PACSIN1: variants seen among roughly 807,000 people sequenced by gnomAD.
PACSIN1 encodes the protein protein kinase C and casein kinase substrate in neurons 1.
PACSIN1 carries 15 observed loss-of-function variants against 59.5 expected under a neutral mutation model. The ratio of observed to expected loss-of-function variants is 0.25; its 90% confidence interval spans 0.17 to 0.39. The LOEUF (loss-of-function observed/expected upper bound fraction) is 0.39. Among genes scored for constraint, PACSIN1 ranks in the 10% least tolerant of loss-of-function variants. The pLI is 1.00. For synonymous variants in PACSIN1, 210 were observed against 220.6 expected, an observed-to-expected ratio of 0.95 and a Z score of 0.42; for missense variants, 420 against 580.2, an observed-to-expected ratio of 0.72 and a Z score of 2.84.
At chr6:34,483,463 C>T (rs376014136) in intron 1 of PACSIN1, among the ~76,000 whole-genome samples, 1 of 152,042 alleles carries the variant, frequency 6.6e-6, no homozygotes, top group African/African-American at 2.4e-5. Flanking sequence ...CGCAGGGCCA[C>T]GTAGCCGGTG....
intron 1 of PACSIN1, among the ~76,000 whole-genome samples, chr6:34,498,361 T>G (rs1766977694): frequency 2.0e-5 from 3 of 152,116 alleles, no homozygotes; most frequent in African/African-American, 7.2e-5. Flanking sequence ...CGCCCGGCCC[T>G]TTTGCCTGTT....
At chr6:34,471,217 G>A (rs1766567340) in intron 1 of PACSIN1, among the ~76,000 whole-genome samples, 1 of 152,120 alleles carries the variant, frequency 6.6e-6, no homozygotes, top group Non-Finnish European at 1.5e-5. Flanking sequence ...CAAAGTGCTG[G>A]GATTACAGGC....
Position 34,531,784 on chromosome 6 carries a change from G to A in PACSIN1, c.1222G>A (p.Ala408Thr), listed in dbSNP as rs747581004. The A allele has an allele frequency of 3.8e-6, 6 of 1,563,104 alleles. 1 individual carries two copies. The highest frequency in any genetic ancestry group is 3.5e-6 in the Non-Finnish European group (4 of 1,152,262). ...GQEQDELSFK[A>T]GDELTKLGEE... ...GGAGCAGGACGAGCTCAGCTTTAAG[G>A]CCGGTAGGACGGCTGGGCGGGGCAG... The change falls in exon 9 of 10, where the codon GCC (alanine) becomes ACC (threonine). Residue 408 changes from alanine to threonine, a missense_variant. Transcript: ENST00000244458. The surrounding 1 kb of genome is among the most constrained non-coding windows in gnomAD (Gnocchi z 4.4).
At chr6:34,498,986 G>A (rs1470848523) in intron 1 of PACSIN1, among the ~76,000 whole-genome samples, 1 of 151,804 alleles carries the variant, frequency 6.6e-6, no homozygotes, top group Non-Finnish European at 1.5e-5. Flanking sequence ...CAGGGTTAGG[G>A]GAGGGTTGGG....
In PACSIN1 at chr6:34,525,138, A is replaced by G. The variant is rs1767460693; in HGVS notation, c.-63-1105A>G. Among the ~76,000 whole-genome samples, 2 of 152,242 alleles carry G rather than the reference A, an allele frequency of 1.3e-5. No individual in the cohort carries two copies. Among genetic ancestry groups the G allele is most frequent in the East Asian group, 3.8e-4 (2 of 5,202 alleles). Reference sequence around the variant, plus strand: ...TTCAGACTCATTTCTTTGTCCCTTGATGAAATCCAGCCGTCCTCCCTCTCA... The same window carrying G: ...TTCAGACTCATTTCTTTGTCCCTTGGTGAAATCCAGCCGTCCTCCCTCTCA... On this transcript the variant is annotated intron_variant, in intron 1 of 9. Coordinates refer to ENST00000244458, the MANE Select transcript of PACSIN1 (RefSeq NM_020804.5). This position sits in a 1 kb window ranked among gnomAD's most constrained non-coding sequence, Gnocchi z 4.9.
chr6:34,486,242 G>A (rs904464908), intron 1 of PACSIN1, among the ~76,000 whole-genome samples: 1 of 152,052 alleles, frequency 6.6e-6, no homozygotes, highest in Non-Finnish European at 1.5e-5. Context: ...GGGCCACAGT[G>A]TCTCTAGGTG....
At position 34,521,166 on chromosome 6, in the gene PACSIN1, A is replaced by G. The variant is rs1450557737; in HGVS notation, c.-63-5077A>G. ...CATTCCTGTGGGAAGGAGGACACGC[A>G]ACGTGATGAATGCCGTGCTGTGGAT... On this transcript the variant is annotated intron_variant, in intron 1 of 9. Coordinates refer to ENST00000244458, the MANE Select transcript of PACSIN1 (RefSeq NM_020804.5). The surrounding 1 kb of genome is among the most constrained non-coding windows in gnomAD (Gnocchi z 4.3). Among the ~76,000 whole-genome samples the G allele has an allele frequency of 1.3e-5, 2 of 152,174 alleles. No homozygotes were observed. The highest frequency in any genetic ancestry group is 6.5e-5 in the Admixed American group (1 of 15,286).
chr6:34,529,813 C>G lies in PACSIN1; in HGVS notation c.760C>G (p.Arg254Gly). The G allele has an allele frequency of 1.9e-6, 3 of 1,613,840 alleles. No individual in the cohort carries two copies. Among genetic ancestry groups the G allele is most frequent in the Non-Finnish European group, 2.5e-6 (3 of 1,179,906 alleles). The stretch of plus-strand genomic sequence containing the variant: ...CAAGGAGGTGCTGCTGGACATCAAA[C>G]GGCACCTCAACCTGGCTGAGAACAG... ...FLKEVLLDIK[R>G]HLNLAENSSY... The change falls in exon 6 of 10, where the codon CGG (arginine) becomes GGG (glycine). Residue 254 changes from arginine (R) to glycine (G), a missense_variant. Transcript: ENST00000244458. The surrounding 1 kb of genome is among the most constrained non-coding windows in gnomAD (Gnocchi z 6.3).
chr6:34,476,958 G>A (rs918684925), intron 1 of PACSIN1, among the ~76,000 whole-genome samples: 8 of 152,212 alleles, frequency 5.3e-5, no homozygotes, highest in Admixed American at 1.3e-4. Flanking sequence ...TAGCTCGGGG[G>A]TGGGCACTCC....
Position 34,498,563 on chromosome 6 carries a change from C to T in PACSIN1, c.-63-27680C>T, listed in dbSNP as rs188277798. 2.7e-3 allele frequency among the ~76,000 whole-genome samples: 404 copies of T among 151,904 alleles called. 1 individual carries two copies. Among genetic ancestry groups the T allele is most frequent in the African/African-American group, 9.2e-3 (381 of 41,410 alleles). The stretch of plus-strand genomic sequence containing the variant: ...CTGTAATCCCAGCACTTTGGGAGGC[C>T]GAGGCAGGTGGATTGCTTGAGCCCA... On this transcript the variant is annotated intron_variant, in intron 1 of 9. Transcript: ENST00000244458.
intron 1 of PACSIN1, among the ~76,000 whole-genome samples, chr6:34,501,030 T>C (rs541313045): frequency 1.3e-5 from 2 of 152,394 alleles, no homozygotes; most frequent in African/African-American, 4.8e-5. Context: ...GGGAATGTTG[T>C]AGCTGTTTTC....
chr6:34,512,686 G>A lies in PACSIN1; in HGVS notation c.-63-13557G>A, dbSNP rs140608462. 1.8e-4 allele frequency among the ~76,000 whole-genome samples: 28 copies of A among 152,342 alleles called. No individual in the cohort carries two copies. The East Asian group carries it at 4.4e-3, about 24-fold the overall frequency. ...TTCTGAGGTTGATTGTGGGGTCCTCGTGCCCACCACTTGACTGGGACTTTG... is the reference window on the plus strand; with the variant it reads ...TTCTGAGGTTGATTGTGGGGTCCTCATGCCCACCACTTGACTGGGACTTTG... On this transcript the variant is annotated intron_variant, in intron 1 of 9. Coordinates refer to ENST00000244458, the MANE Select transcript of PACSIN1 (RefSeq NM_020804.5).
intron 1 of PACSIN1, among the ~76,000 whole-genome samples, chr6:34,485,979 C>A (rs575755318): frequency 2.2e-4 from 34 of 152,222 alleles, no homozygotes; most frequent in African/African-American, 7.9e-4. Flanking sequence ...CACATGGGCC[C>A]GCAACGTGGG....
In PACSIN1 at chr6:34,525,341, A is replaced by G. The variant is rs1167606159; in HGVS notation, c.-63-902A>G. 1.3e-5 allele frequency among the ~76,000 whole-genome samples: 2 copies of G among 152,206 alleles called. No homozygotes were observed. The highest frequency in any genetic ancestry group is 2.9e-5 in the Non-Finnish European group (2 of 68,032). ...CCTAGGGGGAGGGACATCCTCCACC[A>G]ACCATTCTTACGTGTTATTGCCCCT... On this transcript the variant is annotated intron_variant, in intron 1 of 9. Transcript: ENST00000244458. This position sits in a 1 kb window ranked among gnomAD's most constrained non-coding sequence, Gnocchi z 4.9.
chr6:34,504,896 A>C (rs1007409714), intron 1 of PACSIN1, among the ~76,000 whole-genome samples: 1 of 152,030 alleles, frequency 6.6e-6, no homozygotes, highest in Non-Finnish European at 1.5e-5. Context: ...CTTTTCTTTC[A>C]GCATTTGAAA....
chr6:34,478,718 A>C (rs1249543248), intron 1 of PACSIN1, among the ~76,000 whole-genome samples: 1 of 152,224 alleles, frequency 6.6e-6, no homozygotes, highest in African/African-American at 2.4e-5. Context: ...GCAACCTCCA[A>C]TGGTGACCAG....
At chr6:34,483,298 G>A (rs916179636) in intron 1 of PACSIN1, among the ~76,000 whole-genome samples, 15 of 152,146 alleles carry the variant, frequency 9.9e-5, no homozygotes, top group African/African-American at 3.4e-4. Flanking sequence ...GAGCCACCAC[G>A]CCCGGCCCAG....
intron 1 of PACSIN1, among the ~76,000 whole-genome samples, chr6:34,520,216 G>A (rs929643018): frequency 1.3e-5 from 2 of 152,196 alleles, no homozygotes; most frequent in Non-Finnish European, 2.9e-5. Context: ...GGGAGCCCCA[G>A]CAGAGATGGG....
intron 1 of PACSIN1, among the ~76,000 whole-genome samples, chr6:34,499,723 G>C (rs1310443239): frequency 6.6e-6 from 1 of 152,006 alleles, no homozygotes. Context: ...TTGAACCCGG[G>C]AAGTGGAGGT....
Sources: gnomAD v4.1 joint callset for allele counts (sites outside exome capture counted in the v4.1 genomes callset) on GRCh38, gnomAD v4.1.1 for gene constraint, Gnocchi (gnomAD v3.1) non-coding constraint, MANE v1.5 for transcripts, NCBI Gene and HGNC (gene_info 2026-07-23, HGNC 2026-07-21) for gene names.